The following GRK6 variants were observed in gnomAD, a reference collection of about 807,000 sequenced individuals.
GRK6 encodes G protein-coupled receptor kinase 6.
In GRK6, 37 loss-of-function variants were observed where a neutral mutation model predicts 80.8. The ratio of observed to expected loss-of-function variants is 0.46; its 90% CI spans 0.35 to 0.60. The LOEUF (loss-of-function observed/expected upper bound fraction) is 0.60, where lower values mean the gene tolerates loss of function less well. Ranked by LOEUF, GRK6 falls within the 20% of genes least tolerant of loss-of-function variation. The pLI, the probability that GRK6 is intolerant of heterozygous loss-of-function variation, is 0.00. For synonymous variants in GRK6, 295 were observed against 320.9 expected (o/e 0.92, Z 0.86); for missense variants, 560 against 784.6 (o/e 0.71, Z 3.42).
At chr5:177,430,513 G>A (rs758412307) in intron 1 of GRK6, among the ~76,000 whole-genome samples, 1 of 152,192 alleles carries the variant, frequency 6.6e-6, no homozygotes, top group Admixed American at 6.5e-5. Flanking sequence ...CTCCCTCCCG[G>A]GCCTTCTGCA....
At position 177,436,544 on chromosome 5, in the gene GRK6, A is replaced by G; in HGVS notation, c.1404+14A>G. 6.4e-7 allele frequency: 1 copy of G among 1,556,856 alleles called. No individual in the cohort carries two copies. Among genetic ancestry groups the G allele is most frequent in the South Asian group, 1.2e-5 (1 of 82,658 alleles). ...TTCAAGCCTGACGTGAGTGCAGCCC[A>G]CTCCTGCTGAGGGCGGGGCCCAGCC... is the stretch of plus-strand genomic sequence containing the variant. On this transcript the variant is annotated intron_variant, in intron 13 of 15. Coordinates refer to ENST00000355472, the MANE Select transcript of GRK6 (RefSeq NM_001004106.3).
chr5:177,430,156 T>G (rs1763825481), intron 1 of GRK6, among the ~76,000 whole-genome samples: 1 of 152,228 alleles, frequency 6.6e-6, no homozygotes, highest in South Asian at 2.1e-4. Flanking sequence ...AGCAATCAGC[T>G]GGCGTTCTCC....
At chr5:177,440,551 G>A in intron 13 of GRK6, 149 bp from the exon 14 acceptor site, 1 of 864,094 alleles carries the variant, frequency 1.2e-6, no homozygotes. Flanking sequence ...CCCCACTTAG[G>A]AAGTGCGTGG....
chr5:177,442,022 C>T lies in GRK6; in HGVS notation c.*232C>T, dbSNP rs1245729930. ...CCCTTCAGCTCTTCTCCGTGGAGCT[C>T]GGGGCTTTCTGTATTTATGTATTTG... On this transcript the variant is annotated 3_prime_UTR_variant, in exon 16 of 16. Coordinates refer to ENST00000355472, the MANE Select transcript of GRK6 (RefSeq NM_001004106.3). The T allele has an allele frequency of 7.0e-6, 4 of 567,572 alleles. No individual in the cohort carries two copies. Among genetic ancestry groups the T allele is most frequent in the African/African-American group, 3.8e-5 (2 of 51,992 alleles). The allele number at this position is 567,572 out of a possible 1,614,324, so 35.2% of individuals were successfully genotyped here.
At chr5:177,432,513 G>A (rs547281435) in intron 4 of GRK6, among the ~76,000 whole-genome samples, 193 bp from the exon 5 acceptor site, 1 of 152,338 alleles carries the variant, frequency 6.6e-6, no homozygotes, top group South Asian at 2.1e-4. Flanking sequence ...TGGGCCAGGC[G>A]GCCTCCCAGT....
intron 5 of GRK6, 130 bp from the exon 6 acceptor site, chr5:177,433,017 T>C (rs1763979749): frequency 1.2e-6 from 1 of 837,272 alleles, no homozygotes; most frequent in African/African-American, 1.7e-5. Flanking sequence ...GCTCAGGGGT[T>C]AGCAGGAGGA....
intron 15 of GRK6, 63 bp downstream of exon 15, chr5:177,441,116 G>A: frequency 3.1e-6 from 5 of 1,589,778 alleles, no homozygotes. Flanking sequence ...TGGGTGGGAG[G>A]CAGAGCCGGT....
rs1763926849 is a variant in GRK6, at chr5:177,432,127, G to T, written c.261+20G>T. The T allele has an allele frequency of 6.2e-7, 1 of 1,608,414 alleles. No homozygotes were observed. Among genetic ancestry groups the T allele is most frequent in the East Asian group, 2.2e-5 (1 of 44,820 alleles). On this transcript the variant is annotated intron_variant, in intron 3 of 15. Coordinates refer to ENST00000355472, the MANE Select transcript of GRK6 (RefSeq NM_001004106.3). Reference sequence around the variant, plus strand: ...GGGGTGGTGAGTGCAGCCCAGCCCTGCCCAGCCCCGCGGGTGGCCGAGGTC... The same window carrying T: ...GGGGTGGTGAGTGCAGCCCAGCCCTTCCCAGCCCCGCGGGTGGCCGAGGTC...
intron 13 of GRK6, among the ~76,000 whole-genome samples, chr5:177,440,474 T>C (rs939200384): frequency 1.3e-5 from 2 of 152,222 alleles, no homozygotes; most frequent in Non-Finnish European, 2.9e-5. Context: ...CTCACAGTCA[T>C]TGAGCAGTGA....
chr5:177,440,586 G>C, intron 13 of GRK6, 114 bp from the exon 14 acceptor site: 6 of 1,283,426 alleles, frequency 4.7e-6, no homozygotes, highest in Non-Finnish European at 5.4e-6. Flanking sequence ...CCAAATCAGA[G>C]AGCTGCTGGT....
At chr5:177,434,184 G>A (rs1764037267) in intron 9 of GRK6, 80 bp downstream of exon 9, 11 of 1,361,040 alleles carry the variant, frequency 8.1e-6, no homozygotes, top group Non-Finnish European at 1.1e-5. Flanking sequence ...GGGTGGCCAA[G>A]GCTGCCGATC....
rs2127371431 is a variant in GRK6 at position 177,430,954 on chromosome 5, G to A, written c.135G>A (p.Leu45=). 6.2e-7 allele frequency: 1 copy of A among 1,613,604 alleles called. No individual in the cohort carries two copies. The highest frequency in any genetic ancestry group is 8.5e-7 in the Non-Finnish European group (1 of 1,179,858). ...CTCACATCAGCCAGTGCGAAGAGCTGCGGCTCAGCCTCGGTGAGGCCTGGG... is the reference window on the plus strand; with the variant it reads ...CTCACATCAGCCAGTGCGAAGAGCTACGGCTCAGCCTCGGTGAGGCCTGGG... The part of the protein sequence containing the change: ...QFPHISQCEE[L]RLSLERDYHS... The change falls in exon 2 of 16, where the codon CTG becomes CTA. Residue 45 remains leucine, a synonymous_variant. Transcript: ENST00000355472.
chr5:177,432,159 C>G (rs761183154), intron 3 of GRK6, 52 bp downstream of exon 3: 4 of 1,607,650 alleles, frequency 2.5e-6, no homozygotes, highest in Non-Finnish European at 2.6e-6. Flanking sequence ...GGTCCTGGCC[C>G]CATGTGCCCC....
Position 177,440,840 on chromosome 5 carries a change from G to A in GRK6, c.1542+3G>A. On this transcript the variant is annotated splice_donor_region_variant and intron_variant, in intron 14 of 15. Transcript: ENST00000355472. ...TGCCCATCCCCTGGCAGAACGAGGT[G>A]GGGGCCTGCCCTGCTGGTGGGGTGG... 6.2e-7 allele frequency: 1 copy of A among 1,613,950 alleles called. No individual in the cohort carries two copies.
Position 177,440,738 on chromosome 5 carries a change from A to C in GRK6, c.1443A>C (p.Glu481Asp). The change falls in exon 14 of 16, where the codon GAA (glutamate) becomes GAC (aspartate). Residue 481 changes from glutamate to aspartate, a missense_variant. By Grantham distance (45) the Glu-to-Asp change is conservative (BLOSUM62 2). This residue lies in a region of GRK6 where 294 missense variants were observed against 397.4 expected (regional missense o/e 0.74). Transcript: ENST00000355472. ...ACTGCAAGGATGTTCTGGACATTGA[A>C]CAGTTCTCTACGGTCAAGGGCGTGG... ...AIYCKDVLDI[E>D]QFSTVKGVEL... 1 of 1,614,198 alleles carries C rather than the reference A, an allele frequency of 6.2e-7. No homozygotes were observed. Among genetic ancestry groups the C allele is most frequent in the Non-Finnish European group, 8.5e-7 (1 of 1,180,028 alleles).
intron 13 of GRK6, 58 bp downstream of exon 13, chr5:177,436,588 C>T (rs748498743): frequency 1.4e-6 from 2 of 1,473,628 alleles, no homozygotes; most frequent in African/African-American, 1.4e-5. Flanking sequence ...GGCTCAGGGG[C>T]TCTTGTAGTA....
intron 1 of GRK6, among the ~76,000 whole-genome samples, chr5:177,427,113 G>A (rs536238109): frequency 6.6e-6 from 1 of 152,228 alleles, no homozygotes; most frequent in African/African-American, 2.4e-5. Context: ...TCAGGCCGCC[G>A]CCCTCGCGGC....
intron 10 of GRK6, 22 bp from the exon 11 acceptor site, chr5:177,435,010 C>G: frequency 6.2e-7 from 1 of 1,613,178 alleles, no homozygotes; most frequent in Non-Finnish European, 8.5e-7. Flanking sequence ...ACGGGTCCAC[C>G]TGTTTCTCCA....
chr5:177,434,802 C>G (rs780495133), intron 9 of GRK6, 100 bp from the exon 10 acceptor site: 228 of 1,366,540 alleles, frequency 1.7e-4, no homozygotes, highest in Non-Finnish European at 2.3e-4. Flanking sequence ...GCACCTTGCT[C>G]CACACCTGGC....
Sources: allele counts gnomAD v4.1 joint callset (sites outside exome capture counted in the v4.1 genomes callset), GRCh38; gene constraint gnomAD v4.1.1; regional missense constraint gnomAD v4.1.1; transcripts MANE v1.5; gene names NCBI Gene and HGNC (gene_info 2026-07-23, HGNC 2026-07-21).